Variants in CBLB observed in about 807,000 individuals in gnomAD.
CBLB encodes E3 ubiquitin-protein ligase CBL-B.
Under a neutral mutation model 104.9 loss-of-function variants are expected in CBLB, and 31 were observed. The ratio of observed to expected loss-of-function variants is 0.30; its 90% CI spans 0.22 to 0.40. The LOEUF (loss-of-function observed/expected upper bound fraction) is 0.40, where lower values mean the gene tolerates loss of function less well. Ranked by LOEUF, CBLB falls within the 10% of genes least tolerant of loss-of-function variation. The pLI, the probability that CBLB is intolerant of heterozygous loss-of-function variation, is 1.00. For synonymous variants in CBLB, 440 were observed against 422.6 expected (o/e 1.04, Z -0.51); for missense variants, 1,062 against 1,214.6 (o/e 0.87, Z 1.87).
intron 10 of CBLB, among the ~76,000 whole-genome samples, chr3:105,707,480 A>C (rs1483750353): frequency 6.6e-6 from 1 of 152,172 alleles, no homozygotes; most frequent in Non-Finnish European, 1.5e-5. Context: ...AGAGTAGATA[A>C]TTTAACAATG....
Position 105,867,458 on chromosome 3 carries a change from G to A in CBLB, c.120C>T (p.Ala40=), listed in dbSNP as rs759175587. 104 of 1,613,986 alleles carry A rather than the reference G, an allele frequency of 6.4e-5. No individual in the cohort carries two copies. The highest frequency in any genetic ancestry group is 8.8e-5 in the Non-Finnish European group (104 of 1,180,006). The change falls in exon 2 of 19, where the codon GCC becomes GCT. Residue 40 remains alanine, a synonymous_variant. Coordinates refer to ENST00000394030, the MANE Select transcript of CBLB (RefSeq NM_170662.5). The part of the protein sequence containing the change: ...QDAVGPPKQA[A]ADRRTVEKTW... Reference sequence around the variant, plus strand: ...TCTTCTCCACGGTCCTGCGATCTGCGGCAGCTTGCTTAGGGGGTCCAACTG... The same window carrying A: ...TCTTCTCCACGGTCCTGCGATCTGCAGCAGCTTGCTTAGGGGGTCCAACTG...
At chr3:105,797,193 T>C (rs2082340756) in intron 3 of CBLB, among the ~76,000 whole-genome samples, 1 of 152,150 alleles carries the variant, frequency 6.6e-6, no homozygotes, top group African/African-American at 2.4e-5. Flanking sequence ...CTAAATGCCA[T>C]CAATGGTAGA....
At chr3:105,664,916 G>T (rs1017617441) in intron 18 of CBLB, among the ~76,000 whole-genome samples, 1 of 152,072 alleles carries the variant, frequency 6.6e-6, no homozygotes, top group South Asian at 2.1e-4. Context: ...GTCTGGAGAC[G>T]TGAGATGCAT....
intron 3 of CBLB, among the ~76,000 whole-genome samples, chr3:105,799,159 GTAAA>G (rs2082554470): frequency 8.2e-6 from 1 of 121,608 alleles, no homozygotes; most frequent in African/African-American, 3.2e-5. Flanking sequence ...GAAACACATG[GTAAA>G]TAATGACAAA....
rs559938495 is a variant in CBLB at position 105,735,673 on chromosome 3, G to A, written c.1071+1498C>T. Among the ~76,000 whole-genome samples the A allele has an allele frequency of 5.9e-5, 9 of 152,244 alleles. No individual in the cohort carries two copies. The East Asian group carries it at 1.2e-3, about 20-fold the overall frequency. On this transcript the variant is annotated intron_variant, in intron 8 of 18. Coordinates refer to ENST00000394030, the MANE Select transcript of CBLB (RefSeq NM_170662.5). ...TAAATTTAAAATGGCAATCATGGCC[G>A]GGCATGGTGGCTCACGCCTGTAATC...
At chr3:105,732,516 T>C (rs1189065488) in intron 9 of CBLB, among the ~76,000 whole-genome samples, 1 of 152,158 alleles carries the variant, frequency 6.6e-6, no homozygotes, top group African/African-American at 2.4e-5. Context: ...TATAGGGATT[T>C]TGAACAACGT....
At chr3:105,799,982 A>G (rs1019127119) in intron 3 of CBLB, among the ~76,000 whole-genome samples, 4 of 152,198 alleles carry the variant, frequency 2.6e-5, no homozygotes, top group Admixed American at 2.0e-4. Context: ...ACATAATTTT[A>G]AAAGTACATC....
chr3:105,670,479 C>G, intron 17 of CBLB, 127 bp from the exon 18 acceptor site: 1 of 761,182 alleles, frequency 1.3e-6, no homozygotes, highest in Non-Finnish European at 2.2e-6. Flanking sequence ...AAATTCATGA[C>G]TGATATTAAC....
chr3:105,808,663 C>T (rs1270401607), intron 3 of CBLB, among the ~76,000 whole-genome samples: 2 of 152,040 alleles, frequency 1.3e-5, no homozygotes, highest in African/African-American at 4.8e-5. Flanking sequence ...ATTTGAGCCA[C>T]CAACAGAAAT....
At chr3:105,756,446 AC>A (rs2077092437) in intron 4 of CBLB, among the ~76,000 whole-genome samples, 1 of 152,212 alleles carries the variant, frequency 6.6e-6, no homozygotes, top group African/African-American at 2.4e-5. Flanking sequence ...ATATCAACAT[AC>A]ACCCATACAC....
At chr3:105,780,172 A>G (rs1352200383) in intron 3 of CBLB, among the ~76,000 whole-genome samples, 1 of 152,152 alleles carries the variant, frequency 6.6e-6, no homozygotes, top group Non-Finnish European at 1.5e-5. Flanking sequence ...TTTAAAAAAA[A>G]AAAAACTTTC....
intron 4 of CBLB, chr3:105,762,308 A>C (rs1477675984): frequency 1.3e-5 from 2 of 152,198 alleles, no homozygotes; most frequent in Non-Finnish European, 2.9e-5. Flanking sequence ...AGTAAGGAGG[A>C]GCCAAATGTT....
chr3:105,755,117 C>T (rs1174101025), intron 4 of CBLB, among the ~76,000 whole-genome samples: 3 of 151,124 alleles, frequency 2.0e-5, no homozygotes, highest in Non-Finnish European at 2.9e-5. Context: ...CATGCTGGTG[C>T]GCTGCACCCA....
At chr3:105,757,444 C>T (rs929206588) in intron 4 of CBLB, among the ~76,000 whole-genome samples, 2 of 152,064 alleles carry the variant, frequency 1.3e-5, no homozygotes, top group Non-Finnish European at 2.9e-5. Context: ...TGACTATGTG[C>T]GACTTTCTGA....
intron 6 of CBLB, among the ~76,000 whole-genome samples, chr3:105,741,523 GTA>G (rs2075579660): frequency 6.6e-6 from 1 of 152,268 alleles, no homozygotes; most frequent in African/African-American, 2.4e-5. Flanking sequence ...AGCCTCCCGA[GTA>G]GCTGGGACCA....
Position 105,670,293 on chromosome 3 carries a change from C to T in CBLB, c.2629G>A (p.Gly877Ser). ...GTTCTGTTAGTTTTGACATTTTCACCTGGTAACCTTCTAGCAGGAGGCAAA... is the reference window on the plus strand; with the variant it reads ...GTTCTGTTAGTTTTGACATTTTCACTTGGTAACCTTCTAGCAGGAGGCAAA... Reference protein sequence around the residue: ...VPLPPARRLPGENVKTNRTSQ... With the variant: ...VPLPPARRLPSENVKTNRTSQ... Residue 877 changes from glycine (G) to serine (S), a missense_variant, in exon 18 of 19, where the codon GGT becomes AGT. Gly to Ser is a moderately conservative substitution (Grantham distance 56). Around this residue, in one of 2 missense-constraint regions of CBLB, gnomAD observed 605 missense variants for 582.6 expected, o/e 1.04. Transcript: ENST00000394030. 1 of 1,612,244 alleles carries T rather than the reference C, an allele frequency of 6.2e-7. No homozygotes were observed. Among genetic ancestry groups the T allele is most frequent in the African/African-American group, 1.3e-5 (1 of 74,950 alleles).
intron 4 of CBLB, among the ~76,000 whole-genome samples, chr3:105,763,162 T>C (rs2077833051): frequency 6.6e-6 from 1 of 152,186 alleles, no homozygotes; most frequent in Non-Finnish European, 1.5e-5. Context: ...CCATTGTACC[T>C]AGGAAGTAAC....
chr3:105,807,470 T>C (rs1169558945), intron 3 of CBLB, among the ~76,000 whole-genome samples: 2 of 152,210 alleles, frequency 1.3e-5, no homozygotes, highest in Non-Finnish European at 2.9e-5. Flanking sequence ...GAATCTGGTA[T>C]GTGTCCAGTG....
chr3:105,819,049 T>C (rs1168606689), intron 3 of CBLB, among the ~76,000 whole-genome samples: 1 of 152,248 alleles, frequency 6.6e-6, no homozygotes, highest in Non-Finnish European at 1.5e-5. Flanking sequence ...TCCATTCTGC[T>C]TCAAGCATAC....
Sources: allele counts gnomAD v4.1 joint callset (sites outside exome capture counted in the v4.1 genomes callset), GRCh38; gene constraint gnomAD v4.1.1; regional missense constraint gnomAD v4.1.1; transcripts MANE v1.5; gene names NCBI Gene and HGNC (gene_info 2026-07-23, HGNC 2026-07-21).